DOCK2: variants seen among roughly 807,000 people sequenced by gnomAD.
DOCK2 encodes the protein dedicator of cytokinesis protein 2.
Under a neutral mutation model 248.9 loss-of-function variants are expected in DOCK2, and 87 were observed. That is an observed-to-expected ratio of 0.35 (90% CI 0.29 to 0.42). The LOEUF (loss-of-function observed/expected upper bound fraction) is 0.42. DOCK2 is among the 10% of genes least tolerant of loss of function. The pLI, the probability that DOCK2 is intolerant of heterozygous loss-of-function variation, is 1.00. For missense variants in DOCK2, 1,747 were observed against 2,300.2 expected, an observed-to-expected ratio of 0.76 and a Z score of 4.92; for synonymous variants, 805 against 821.6, an observed-to-expected ratio of 0.98 and a Z score of 0.35.
At chr5:169,927,077 A>G (rs11951138) in intron 27 of DOCK2, among the ~76,000 whole-genome samples, 14,697 of 152,234 alleles carry the variant, frequency 0.097, 1,070 homozygotes, top group African/African-American at 0.21. Flanking sequence ...TTCTTCATAA[A>G]TATGCTACAT....
chr5:169,812,816 T>G (rs1326908948), intron 26 of DOCK2, among the ~76,000 whole-genome samples: 1 of 152,224 alleles, frequency 6.6e-6, no homozygotes, highest in Non-Finnish European at 1.5e-5. Flanking sequence ...CAGGGTAAAG[T>G]GGCTTCCTGG....
rs567847544 is a variant in DOCK2 at position 169,831,733 on chromosome 5, A to C, written c.2704-9024A>C. On this transcript the variant is annotated intron_variant, in intron 26 of 51. Coordinates refer to ENST00000520908, the MANE Select transcript of DOCK2 (RefSeq NM_004946.3). The stretch of plus-strand genomic sequence containing the variant: ...GAAAAGTACATGCCACATATTAAAA[A>C]CTCAAAAGATATTAGCTCTCAGTGT... Among the ~76,000 whole-genome samples the C allele has an allele frequency of 2.0e-5, 3 of 152,342 alleles. No homozygotes were observed. The East Asian group carries it at 5.8e-4, about 29-fold the overall frequency.
chr5:169,903,217 C>T (rs1435791519), intron 27 of DOCK2, among the ~76,000 whole-genome samples: 1 of 148,594 alleles, frequency 6.7e-6, no homozygotes, highest in Admixed American at 6.8e-5. Flanking sequence ...TTTGAGGCTA[C>T]AGTGAGCTAT....
At chr5:169,807,768 AGCTT>A (rs1220784942) in intron 26 of DOCK2, among the ~76,000 whole-genome samples, 2 of 137,970 alleles carry the variant, frequency 1.4e-5, no homozygotes, top group Non-Finnish European at 3.1e-5. Context: ...TGGGAGGTGG[AGCTT>A]GCAGTGAGCC....
intron 9 of DOCK2, among the ~76,000 whole-genome samples, chr5:169,692,447 T>C (rs1760361768): frequency 6.6e-6 from 1 of 150,966 alleles, no homozygotes; most frequent in Non-Finnish European, 1.5e-5. Flanking sequence ...TGACACACCC[T>C]CCAGAGAATA....
chr5:169,903,873 G>T (rs576667750), intron 27 of DOCK2, among the ~76,000 whole-genome samples: 30 of 151,944 alleles, frequency 2.0e-4, no homozygotes, highest in Non-Finnish European at 4.0e-4. Context: ...GCCGAGGCAG[G>T]TGAATCACCT....
chr5:169,852,546 A>G (rs1770670686), intron 27 of DOCK2, among the ~76,000 whole-genome samples: 1 of 152,242 alleles, frequency 6.6e-6, no homozygotes, highest in South Asian at 2.1e-4. Context: ...TTCACAGTGC[A>G]GATCCCCATT....
intron 23 of DOCK2, among the ~76,000 whole-genome samples, chr5:169,751,602 G>T (rs965518179): frequency 3.9e-5 from 6 of 152,164 alleles, no homozygotes; most frequent in African/African-American, 9.7e-5. Flanking sequence ...TCAAATCTCA[G>T]CTGTGTCCAC....
intron 26 of DOCK2, among the ~76,000 whole-genome samples, chr5:169,837,326 C>T (rs745325034): frequency 6.6e-6 from 1 of 152,308 alleles, no homozygotes; most frequent in East Asian, 1.9e-4. Flanking sequence ...ACTTGCCTGG[C>T]ACTGGAGCAA....
Position 169,871,001 on chromosome 5 carries a change from G to A in DOCK2, c.2799+30149G>A, listed in dbSNP as rs146697266. ...GTGTCTGGTAAGGGCCCTCTTCCTGGTCTACAGACAGCTGTATTCCCTTGC... is the reference window on the plus strand; with the variant it reads ...GTGTCTGGTAAGGGCCCTCTTCCTGATCTACAGACAGCTGTATTCCCTTGC... On this transcript the variant is annotated intron_variant, in intron 27 of 51. Transcript: ENST00000520908. Among the ~76,000 whole-genome samples the A allele has an allele frequency of 2.5e-4, 38 of 152,284 alleles. No homozygotes were observed. The East Asian group carries it at 7.2e-3, about 29-fold the overall frequency.
intron 33 of DOCK2, among the ~76,000 whole-genome samples, chr5:170,026,127 G>A (rs1389184696): frequency 1.3e-5 from 2 of 152,076 alleles, no homozygotes; most frequent in Non-Finnish European, 2.9e-5. Flanking sequence ...TAGATCCTTT[G>A]TGCACAAAAG....
At chr5:170,063,763 C>G (rs1202580642) in intron 44 of DOCK2, among the ~76,000 whole-genome samples, 2 of 152,146 alleles carry the variant, frequency 1.3e-5, no homozygotes, top group African/African-American at 2.4e-5. Flanking sequence ...CTGAGTGGCC[C>G]TAGACCACAG....
intron 27 of DOCK2, among the ~76,000 whole-genome samples, chr5:169,937,062 G>C (rs1334433433): frequency 6.6e-6 from 1 of 152,166 alleles, no homozygotes; most frequent in Non-Finnish European, 1.5e-5. Context: ...CCAGTTTCTG[G>C]GCAGAGTAAT....
chr5:169,860,494 A>C (rs1446487782), intron 27 of DOCK2, among the ~76,000 whole-genome samples: 7 of 152,164 alleles, frequency 4.6e-5, no homozygotes, highest in Non-Finnish European at 1.0e-4. Context: ...AGGCTCACAG[A>C]AACTAAGCAA....
At chr5:169,668,571 G>C (rs1758858989) in intron 2 of DOCK2, among the ~76,000 whole-genome samples, 1 of 152,134 alleles carries the variant, frequency 6.6e-6, no homozygotes, top group Non-Finnish European at 1.5e-5. Flanking sequence ...CCACTCCTTG[G>C]CTGTGTTGGA....
chr5:170,082,566 A>C (rs1758071427), intron 51 of DOCK2, among the ~76,000 whole-genome samples: 1 of 152,190 alleles, frequency 6.6e-6, no homozygotes, highest in Non-Finnish European at 1.5e-5. Flanking sequence ...TGGGAGGCTC[A>C]CAGGGTTTGG....
chr5:169,833,578 T>A (rs1360234147), intron 26 of DOCK2, among the ~76,000 whole-genome samples: 1 of 152,150 alleles, frequency 6.6e-6, no homozygotes, highest in Non-Finnish European at 1.5e-5. Context: ...GCTGAGAGCC[T>A]GTTCCAGAAG....
intron 29 of DOCK2, among the ~76,000 whole-genome samples, chr5:169,995,367 G>T (rs1754580758): frequency 6.6e-6 from 1 of 152,200 alleles, no homozygotes; most frequent in Admixed American, 6.5e-5. Context: ...GAACAGTGGA[G>T]AAGGGGTATA....
chr5:170,012,691 G>A (rs1055012733), intron 32 of DOCK2, among the ~76,000 whole-genome samples: 3 of 152,200 alleles, frequency 2.0e-5, no homozygotes, highest in Admixed American at 6.5e-5. Flanking sequence ...GATCCCGGGC[G>A]GACGCCAAAT....
Sources: gnomAD v4.1 joint callset for allele counts (sites outside exome capture counted in the v4.1 genomes callset) on GRCh38, gnomAD v4.1.1 for gene constraint, MANE v1.5 for transcripts, NCBI Gene and HGNC (gene_info 2026-07-23, HGNC 2026-07-21) for gene names.